Variants in ISM1 observed in about 807,000 individuals in gnomAD.
The protein encoded by ISM1 is isthmin-1.
ISM1 carries 25 observed loss-of-function variants against 46.3 expected under a neutral mutation model. The observed-to-expected ratio is 0.54, with a 90% CI of 0.39 to 0.75. The LOEUF is 0.75. ISM1 is among the 30% of genes least tolerant of loss of function. The probability of loss-of-function intolerance (pLI) is 0.00; values close to 1 mark genes in which losing one functional copy is unlikely to be tolerated. For missense variants in ISM1, 536 were observed against 625.4 expected, an observed-to-expected ratio of 0.86 and a Z score of 1.52; for synonymous variants, 255 against 256.7, an observed-to-expected ratio of 0.99 and a Z score of 0.06.
intron 1 of ISM1, among the ~76,000 whole-genome samples, chr20:13,238,562 C>T (rs2039680202): frequency 6.6e-6 from 1 of 152,158 alleles, no homozygotes; most frequent in African/African-American, 2.4e-5. Context: ...GACTTATTAG[C>T]ATTTCCAGAT....
chr20:13,310,125 A>G, the ISM1 span, among the ~76,000 whole-genome samples: 1 of 152,236 alleles, frequency 6.6e-6, no homozygotes, highest in Non-Finnish European at 1.5e-5. Flanking sequence ...AAAATACTAA[A>G]TAGCCAAAGC....
chr20:13,262,906 A>G (rs2123226827), intron 1 of ISM1, among the ~76,000 whole-genome samples: 1 of 152,280 alleles, frequency 6.6e-6, no homozygotes, highest in Middle Eastern at 3.4e-3. Context: ...TAAAGTAAAC[A>G]TCGTTATGAT....
At chr20:13,235,821 T>C (rs898495092) in intron 1 of ISM1, among the ~76,000 whole-genome samples, 1 of 152,182 alleles carries the variant, frequency 6.6e-6, no homozygotes, top group African/African-American at 2.4e-5. Context: ...CTTTCCCTGA[T>C]GAAAGGGCAC....
chr20:13,241,521 C>T (rs1242830834), intron 1 of ISM1, among the ~76,000 whole-genome samples: 1 of 152,044 alleles, frequency 6.6e-6, no homozygotes, highest in Non-Finnish European at 1.5e-5. Context: ...AAAGCTTGTT[C>T]TGTGTAACAA....
intron 2 of ISM1, among the ~76,000 whole-genome samples, chr20:13,276,090 G>A (rs771945763): frequency 5.3e-5 from 8 of 152,188 alleles, no homozygotes; most frequent in Admixed American, 2.0e-4. Flanking sequence ...GGCAGTTATC[G>A]AGGAAGAAGG....
At chr20:13,270,408 G>A in intron 1 of ISM1, 96 bp from the exon 2 acceptor site, 1 of 1,379,584 alleles carries the variant, frequency 7.2e-7, no homozygotes, top group Non-Finnish European at 9.8e-7. Flanking sequence ...TCAGCCACTG[G>A]AATTGTCCTT....
At chr20:13,303,169 C>T (rs2040473219), downstream of ISM1, among the ~76,000 whole-genome samples, 1 of 152,222 alleles carries the variant, frequency 6.6e-6, no homozygotes, top group Non-Finnish European at 1.5e-5. Context: ...CTCCTTGAAG[C>T]CAGCAGTGTC....
rs567518298 is a variant in ISM1, at chr20:13,226,216, C to T, written c.138+4302C>T. On this transcript the variant is annotated intron_variant, in intron 1 of 5. Transcript: ENST00000262487. ...TATGAACACTTTCCATCTTTTATCC[C>T]TTTATTGCCTTCAGTAAAACAGCTT... Among the ~76,000 whole-genome samples the T allele has an allele frequency of 3.6e-4, 55 of 152,258 alleles. 1 individual carries two copies. The highest frequency in any genetic ancestry group is 1.3e-3 in the African/African-American group (52 of 41,556).
At chr20:13,269,950 T>C (rs2040092414) in intron 1 of ISM1, among the ~76,000 whole-genome samples, 1 of 151,680 alleles carries the variant, frequency 6.6e-6, no homozygotes, top group Non-Finnish European at 1.5e-5. Flanking sequence ...GATGGATGGA[T>C]GGATGGATGG....
intron 1 of ISM1, among the ~76,000 whole-genome samples, chr20:13,226,780 A>T (rs1487830188): frequency 6.6e-6 from 1 of 152,234 alleles, no homozygotes. Flanking sequence ...CAGAAATTGC[A>T]AGACCTATTG....
chr20:13,232,570 A>G (rs1470193324), intron 1 of ISM1, among the ~76,000 whole-genome samples: 1 of 152,226 alleles, frequency 6.6e-6, no homozygotes, highest in East Asian at 1.9e-4. Context: ...TTTGGCAACT[A>G]TTAAAGATGC....
At chr20:13,290,784 A>G (rs2040345119) in intron 4 of ISM1, among the ~76,000 whole-genome samples, 1 of 152,234 alleles carries the variant, frequency 6.6e-6, no homozygotes, top group Non-Finnish European at 1.5e-5. Flanking sequence ...TACAGGTATT[A>G]TTTTGTTTAA....
the ISM1 span, among the ~76,000 whole-genome samples, chr20:13,312,545 T>C: frequency 9.2e-5 from 14 of 152,320 alleles, no homozygotes; most frequent in East Asian, 1.9e-3. Context: ...CAGCATTTAC[T>C]GGACAGGAGG....
At chr20:13,229,044 GC>G (rs1026965620) in intron 1 of ISM1, among the ~76,000 whole-genome samples, 4 of 151,806 alleles carry the variant, frequency 2.6e-5, no homozygotes, top group African/African-American at 9.7e-5. Context: ...AAATTCTATA[GC>G]CTCTTTTCTC....
At chr20:13,231,013 TTCTC>T (rs1353742992) in intron 1 of ISM1, among the ~76,000 whole-genome samples, 1 of 152,202 alleles carries the variant, frequency 6.6e-6, no homozygotes, top group Non-Finnish European at 1.5e-5. Context: ...TTCTGGCTCT[TTCTC>T]TTCCCTGCCT....
At chr20:13,288,878 G>A (rs2040322801) in intron 4 of ISM1, among the ~76,000 whole-genome samples, 195 bp downstream of exon 4, 1 of 151,900 alleles carries the variant, frequency 6.6e-6, no homozygotes, top group Non-Finnish European at 1.5e-5. Context: ...TCCACCTCCT[G>A]GGTTCAAGCA....
intron 5 of ISM1, 115 bp downstream of exon 5, chr20:13,292,578 T>C: frequency 2.9e-6 from 2 of 684,514 alleles, no homozygotes. Flanking sequence ...TTTTCTGGGG[T>C]CCAGTGCTCC....
At chr20:13,288,269 T>G (rs1254516233) in intron 3 of ISM1, among the ~76,000 whole-genome samples, 1 of 152,216 alleles carries the variant, frequency 6.6e-6, no homozygotes, top group Non-Finnish European at 1.5e-5. Flanking sequence ...CCCCATGCTG[T>G]GCAAATGTAT....
chr20:13,242,250 A>G (rs1317253370), intron 1 of ISM1, among the ~76,000 whole-genome samples: 1 of 152,218 alleles, frequency 6.6e-6, no homozygotes, highest in Non-Finnish European at 1.5e-5. Flanking sequence ...CAGGAGGTCA[A>G]TGGTAAAGAA....
Sources: gnomAD v4.1 joint callset for allele counts (sites outside exome capture counted in the v4.1 genomes callset) on GRCh38, gnomAD v4.1.1 for gene constraint, MANE v1.5 for transcripts, NCBI Gene and HGNC (gene_info 2026-07-23, HGNC 2026-07-21) for gene names.